EPB41L2: variants seen among roughly 807,000 people sequenced by gnomAD.
EPB41L2 encodes the protein erythrocyte membrane protein band 4.1 like 2.
A neutral mutation model predicts 113.0 loss-of-function variants in EPB41L2; 43 were observed. The observed-to-expected ratio is 0.38, with a 90% CI of 0.30 to 0.49. EPB41L2 has a LOEUF of 0.49. Among genes scored for constraint, EPB41L2 ranks in the 20% least tolerant of loss-of-function variants. EPB41L2 has a pLI of 0.95. For synonymous variants in EPB41L2, 442 were observed against 436.7 expected, an observed-to-expected ratio of 1.01 and a Z score of -0.15; for missense variants, 1,147 against 1,223.4, an observed-to-expected ratio of 0.94 and a Z score of 0.93.
At chr6:130,891,462 T>A (rs908735273) in intron 10 of EPB41L2, among the ~76,000 whole-genome samples, 184 of 152,076 alleles carry the variant, frequency 1.2e-3, no homozygotes, top group African/African-American at 4.2e-3. Context: ...CTTATTTAAT[T>A]TTTTGAGAAG....
intron 1 of EPB41L2, among the ~76,000 whole-genome samples, chr6:130,968,961 G>T (rs921379691): frequency 6.6e-6 from 1 of 151,954 alleles, no homozygotes; most frequent in Non-Finnish European, 1.5e-5. Flanking sequence ...TCAACGTCTG[G>T]AGTCCACCAA....
intron 3 of EPB41L2, among the ~76,000 whole-genome samples, chr6:130,935,573 T>G (rs1336624488): frequency 6.6e-6 from 1 of 152,210 alleles, no homozygotes; most frequent in Non-Finnish European, 1.5e-5. Context: ...GCTACCAACA[T>G]TATTAACACA....
chr6:130,967,308 A>C (rs1423152787), intron 1 of EPB41L2, among the ~76,000 whole-genome samples: 1 of 152,202 alleles, frequency 6.6e-6, no homozygotes. Flanking sequence ...CTGAAAAAAA[A>C]ACTCACATAT....
intron 1 of EPB41L2, among the ~76,000 whole-genome samples, chr6:131,020,637 C>T (rs1218706879): frequency 6.6e-6 from 1 of 152,134 alleles, no homozygotes; most frequent in African/African-American, 2.4e-5. Flanking sequence ...GTGAGAGATG[C>T]CAATCAATAA....
intron 1 of EPB41L2, among the ~76,000 whole-genome samples, chr6:131,040,825 T>A (rs1009973718): frequency 4.0e-5 from 6 of 151,774 alleles, no homozygotes; most frequent in Non-Finnish European, 7.4e-5. Flanking sequence ...CTGAATCTAA[T>A]CAAGAATTTA....
Position 130,878,092 on chromosome 6 carries a change from C to T in EPB41L2, c.2043+12G>A. Reference sequence around the variant, plus strand: ...GAAGTGAGACAGAGCCAACAAATAGCTAATGACATACCCCTTGTGTCTGTA... The same window carrying T: ...GAAGTGAGACAGAGCCAACAAATAGTTAATGACATACCCCTTGTGTCTGTA... On this transcript the variant is annotated intron_variant, in intron 14 of 19. Transcript: ENST00000337057. The T allele has an allele frequency of 1.3e-6, 2 of 1,580,606 alleles. No homozygotes were observed. The highest frequency in any genetic ancestry group is 1.2e-5 in the South Asian group (1 of 84,054).
At position 130,870,027 on chromosome 6, in the gene EPB41L2, A is replaced by C; in HGVS notation, c.2143T>G (p.Ser715Ala). 1 of 1,613,732 alleles carries C rather than the reference A, an allele frequency of 6.2e-7. No individual in the cohort carries two copies. ...ATCTCCCCAGGACCACTCCCAGGTG[A>C]TATCTCTTTACCATTCATTTCTTCT... is the stretch of plus-strand genomic sequence containing the variant. ...ITEEMNGKEI[S>A]PGSGPGEIRK... is the part of the protein sequence containing the mutation. Residue 715 changes from serine (S) to alanine (A), a missense_variant, in exon 15 of 20, where the codon TCA (serine) becomes GCA (alanine). Transcript: ENST00000337057.
intron 3 of EPB41L2, among the ~76,000 whole-genome samples, chr6:130,949,210 A>G (rs2128605082): frequency 6.6e-6 from 1 of 152,342 alleles, no homozygotes; most frequent in South Asian, 2.1e-4. Flanking sequence ...ACAAACAAAA[A>G]AATTCTCTCT....
intron 2 of EPB41L2, 62 bp from the exon 3 acceptor site, chr6:130,955,379 T>A: frequency 6.9e-7 from 1 of 1,452,746 alleles, no homozygotes; most frequent in Non-Finnish European, 9.5e-7. Context: ...GACAACATAC[T>A]AAAAGGAAAA....
chr6:130,940,441 A>G (rs996098739), intron 3 of EPB41L2, among the ~76,000 whole-genome samples: 1 of 151,786 alleles, frequency 6.6e-6, no homozygotes, highest in African/African-American at 2.4e-5. Context: ...GTTAGGGTAT[A>G]GCTGAGTTTT....
chr6:131,039,706 T>C (rs535107791), intron 1 of EPB41L2, among the ~76,000 whole-genome samples: 1 of 152,294 alleles, frequency 6.6e-6, no homozygotes, highest in African/African-American at 2.4e-5. Context: ...GTCAAAAGGA[T>C]ACAGGAGCCA....
chr6:131,045,608 C>T (rs1795296171), intron 1 of EPB41L2, among the ~76,000 whole-genome samples: 1 of 152,010 alleles, frequency 6.6e-6, no homozygotes, highest in African/African-American at 2.4e-5. Flanking sequence ...AACAAAGAGC[C>T]AAAACATGTC....
At chr6:130,925,251 T>C (rs1425477696) in intron 4 of EPB41L2, among the ~76,000 whole-genome samples, 1 of 146,252 alleles carries the variant, frequency 6.8e-6, no homozygotes, top group Non-Finnish European at 1.5e-5. Context: ...TGCAGTGGCG[T>C]GATCTTGGCT....
chr6:130,879,734 A>T (rs1411526084), intron 13 of EPB41L2, among the ~76,000 whole-genome samples: 2 of 152,212 alleles, frequency 1.3e-5, no homozygotes, highest in Non-Finnish European at 2.9e-5. Context: ...ACAGATCAAG[A>T]TCAAGAGTCA....
At chr6:130,875,916 T>C (rs941703876) in intron 14 of EPB41L2, among the ~76,000 whole-genome samples, 15 of 146,590 alleles carry the variant, frequency 1.0e-4, no homozygotes, top group Admixed American at 1.4e-4. Flanking sequence ...ACCCAGGAGA[T>C]GGAGGTTGCA....
intron 15 of EPB41L2, chr6:130,868,659 T>TC (rs1784671328): frequency 6.6e-6 from 1 of 152,190 alleles, no homozygotes; most frequent in African/African-American, 2.4e-5. Context: ...TTCCATCCCA[T>TC]CGAAGAGAAC....
At chr6:131,026,289 G>T (rs1790853567) in intron 1 of EPB41L2, among the ~76,000 whole-genome samples, 1 of 152,194 alleles carries the variant, frequency 6.6e-6, no homozygotes, top group Non-Finnish European at 1.5e-5. Flanking sequence ...TTCCAGTTCT[G>T]ATTCAACCCC....
chr6:130,960,678 A>G (rs987244184), intron 1 of EPB41L2, among the ~76,000 whole-genome samples: 7 of 152,240 alleles, frequency 4.6e-5, no homozygotes, highest in African/African-American at 1.7e-4. Context: ...AGCTCAAAAC[A>G]AAACACTACC....
At chr6:130,905,027 T>C (rs1432746505) in intron 5 of EPB41L2, among the ~76,000 whole-genome samples, 1 of 151,596 alleles carries the variant, frequency 6.6e-6, no homozygotes, top group African/African-American at 2.4e-5. Flanking sequence ...TTGAAGAAGG[T>C]GTTAAAAGAG....
Sources: gnomAD v4.1 joint callset for allele counts (sites outside exome capture counted in the v4.1 genomes callset) on GRCh38, gnomAD v4.1.1 for gene constraint, MANE v1.5 for transcripts, NCBI Gene and HGNC (gene_info 2026-07-23, HGNC 2026-07-21) for gene names.